STRN: variants seen among roughly 807,000 people sequenced by gnomAD.
The protein encoded by STRN is striatin.
In STRN, 53 loss-of-function variants were observed where a neutral mutation model predicts 96.3. The ratio of observed to expected loss-of-function variants is 0.55; its 90% CI spans 0.44 to 0.69. STRN has a LOEUF of 0.69. STRN is among the 30% of genes least tolerant of loss of function. The probability of loss-of-function intolerance (pLI) is 0.00; values close to 1 mark genes in which losing one functional copy is unlikely to be tolerated. For synonymous variants in STRN, 428 were observed against 355.9 expected (o/e 1.20, Z -2.28); for missense variants, 987 against 963.9 (o/e 1.02, Z -0.32).
chr2:36,879,257 G>A (rs891957783), intron 9 of STRN, among the ~76,000 whole-genome samples: 3 of 151,980 alleles, frequency 2.0e-5, no homozygotes, highest in Non-Finnish European at 4.4e-5. Context: ...TTTTAGTAGA[G>A]ACGGGGTTTC....
chr2:36,916,182 C>T, intron 2 of STRN, 31 bp from the exon 3 acceptor site: 1 of 1,564,142 alleles, frequency 6.4e-7, no homozygotes, highest in South Asian at 1.1e-5. Context: ...TACAGACCAT[C>T]TTAAAATATG....
At chr2:36,918,247 A>G (rs1253208711) in intron 2 of STRN, among the ~76,000 whole-genome samples, 1 of 152,134 alleles carries the variant, frequency 6.6e-6, no homozygotes, top group East Asian at 1.9e-4. Context: ...ACAGACATTC[A>G]TCTGACTTGC....
chr2:36,916,251 C>T (rs559203337), intron 2 of STRN, 100 bp from the exon 3 acceptor site: 2 of 978,226 alleles, frequency 2.0e-6, no homozygotes, highest in Admixed American at 2.2e-5. Flanking sequence ...TGGCTGAACA[C>T]TCCTAGAACT....
At chr2:36,945,626 C>A (rs946336891) in intron 1 of STRN, among the ~76,000 whole-genome samples, 1 of 151,964 alleles carries the variant, frequency 6.6e-6, no homozygotes, top group African/African-American at 2.4e-5. Flanking sequence ...GATCGCAACA[C>A]TGCACTCCAG....
chr2:36,875,992 C>A (rs1668899138), intron 10 of STRN, among the ~76,000 whole-genome samples: 1 of 152,100 alleles, frequency 6.6e-6, no homozygotes, highest in Admixed American at 6.6e-5. Context: ...TCAGGTCAGG[C>A]ATGGTGGTTC....
Position 36,845,910 on chromosome 2 carries a change from T to TGCATGCACACACACACACACAC in STRN, c.*3524_*3545dup, listed in dbSNP as rs1558617190. ...ACACACACACACACACACACACGCA[T>TGCATGCACACACACACACACAC]GCATGCACACACACACACACACACA... On this transcript the variant is annotated 3_prime_UTR_variant, in exon 18 of 18. Transcript: ENST00000263918. The TGCATGCACACACACACACACAC allele has an allele frequency of 1.1e-4, 3 of 26,588 alleles. No individual in the cohort carries two copies. Among genetic ancestry groups the TGCATGCACACACACACACACAC allele is most frequent in the Admixed American group, 4.4e-4 (1 of 2,282 alleles). The allele number at this position is 26,588 out of a possible 1,614,324, so 1.6% of individuals were successfully genotyped here. A position where few individuals can be genotyped will look rare whatever the true frequency, so the allele number is the denominator to read the frequency against.
chr2:36,891,058 C>G (rs1444677138), intron 7 of STRN, among the ~76,000 whole-genome samples: 1 of 152,188 alleles, frequency 6.6e-6, no homozygotes, highest in East Asian at 1.9e-4. Flanking sequence ...ACCCCCCAAT[C>G]CAAAAATCCA....
chr2:36,889,111 C>T (rs766548755), intron 7 of STRN, among the ~76,000 whole-genome samples: 2 of 152,114 alleles, frequency 1.3e-5, no homozygotes, highest in Non-Finnish European at 2.9e-5. Context: ...ACTATATCCT[C>T]TTAGTTGAAT....
chr2:36,857,256 T>C (rs1668369667), intron 14 of STRN, among the ~76,000 whole-genome samples: 1 of 152,034 alleles, frequency 6.6e-6, no homozygotes, highest in South Asian at 2.1e-4. Flanking sequence ...ATGAGTTACA[T>C]GGGTGTACTC....
intron 9 of STRN, among the ~76,000 whole-genome samples, chr2:36,881,444 A>G (rs1383433126): frequency 6.6e-6 from 1 of 152,118 alleles, no homozygotes; most frequent in Non-Finnish European, 1.5e-5. Flanking sequence ...TGCCTTCTGA[A>G]TTATTAAAAT....
intron 2 of STRN, among the ~76,000 whole-genome samples, chr2:36,916,772 T>G (rs114166591): frequency 6.6e-6 from 1 of 152,142 alleles, no homozygotes; most frequent in Non-Finnish European, 1.5e-5. Context: ...ATGGGAATAC[T>G]GTTTTATCTT....
rs764802077 is a variant in STRN at position 36,849,461 on chromosome 2, C to T, written c.2338G>A (p.Val780Ile). Residue 780 changes from valine (V) to isoleucine (I), a missense_variant, in exon 18 of 18, where the codon GTA becomes ATA. Coordinates refer to ENST00000263918, the MANE Select transcript of STRN (RefSeq NM_003162.4). ...GGTGAAGATGATGCATTGCGTCATA[C>T]AAAGACTTTAGCCAGTGCGTCAGCT... ...AGADALAKVF[V>I] The T allele has an allele frequency of 3.1e-6, 5 of 1,613,942 alleles. No individual in the cohort carries two copies. In the South Asian group the frequency reaches 5.5e-5, roughly 18 times the overall value.
intron 1 of STRN, among the ~76,000 whole-genome samples, chr2:36,953,839 A>G (rs1433020161): frequency 6.6e-6 from 1 of 152,186 alleles, no homozygotes; most frequent in Non-Finnish European, 1.5e-5. Flanking sequence ...CAGCCTAAAA[A>G]TAGACTAATA....
chr2:36,905,426 C>G, intron 4 of STRN, 114 bp downstream of exon 4: 6 of 897,630 alleles, frequency 6.7e-6, no homozygotes, highest in East Asian at 2.5e-5. Context: ...AGCTTTTTCA[C>G]AGCATCTGTA....
chr2:36,911,554 A>C (rs538437618), intron 3 of STRN, among the ~76,000 whole-genome samples: 3 of 152,146 alleles, frequency 2.0e-5, no homozygotes, highest in Admixed American at 6.6e-5. Flanking sequence ...TGCAACAAAC[A>C]GCCTGCAAAA....
intron 1 of STRN, among the ~76,000 whole-genome samples, chr2:36,948,039 C>CTATAGAATGA (rs1166499755): frequency 3.5e-5 from 5 of 144,910 alleles, no homozygotes; most frequent in African/African-American, 1.3e-4. Flanking sequence ...TCCCCTCATC[C>CTATAGAATGA]TATAGAATGA....
intron 3 of STRN, among the ~76,000 whole-genome samples, chr2:36,911,131 C>T (rs1007884169): frequency 1.3e-5 from 2 of 152,120 alleles, no homozygotes; most frequent in Admixed American, 6.6e-5. Flanking sequence ...ATCTATAAAT[C>T]CCTAGATAAC....
chr2:36,904,283 T>C (rs565518084), intron 4 of STRN, among the ~76,000 whole-genome samples: 2 of 152,336 alleles, frequency 1.3e-5, no homozygotes, highest in East Asian at 3.9e-4. Flanking sequence ...TAAGATTCTC[T>C]TTCCGTAGTC....
intron 1 of STRN, among the ~76,000 whole-genome samples, chr2:36,960,959 T>G (rs577648912): frequency 6.6e-6 from 1 of 151,906 alleles, no homozygotes; most frequent in Non-Finnish European, 1.5e-5. Context: ...TGCAGGGGCA[T>G]GATCATAACG....
Sources: allele counts gnomAD v4.1 joint callset (sites outside exome capture counted in the v4.1 genomes callset), GRCh38; gene constraint gnomAD v4.1.1; transcripts MANE v1.5; gene names NCBI Gene and HGNC (gene_info 2026-07-23, HGNC 2026-07-21).